The following CXCL13 variants were observed in gnomAD, a reference collection of about 807,000 sequenced individuals.
CXCL13 encodes the protein C-X-C motif chemokine ligand 13, also known as C-X-C motif chemokine 13.
In CXCL13, 7 loss-of-function variants were observed where a neutral mutation model predicts 12.2. The ratio of observed to expected loss-of-function variants is 0.57; its 90% CI spans 0.33 to 1.07. The LOEUF (loss-of-function observed/expected upper bound fraction) is 1.07. Ranked by LOEUF, CXCL13 falls within the 50% of genes least tolerant of loss-of-function variation. The probability of loss-of-function intolerance (pLI) is 0.04; values close to 1 mark genes in which losing one functional copy is unlikely to be tolerated. For missense variants in CXCL13, 113 were observed against 127.4 expected, an observed-to-expected ratio of 0.89 and a Z score of 0.55; for synonymous variants, 47 against 42.4, an observed-to-expected ratio of 1.11 and a Z score of -0.42.
At chr4:77,564,141 C>T (rs748221684) in intron 1 of CXCL13, among the ~76,000 whole-genome samples, 15 of 152,090 alleles carry the variant, frequency 9.9e-5, no homozygotes, top group Non-Finnish European at 1.9e-4. Flanking sequence ...CTTTGAAGTA[C>T]GAATTTTCAT....
chr4:77,555,133 A>G (rs77919647), intron 1 of CXCL13, among the ~76,000 whole-genome samples: 2 of 152,152 alleles, frequency 1.3e-5, no homozygotes, highest in Non-Finnish European at 2.9e-5. Flanking sequence ...AAAAAAACCA[A>G]TGAAACCAAA....
chr4:77,601,816 G>A (rs779592977), upstream of CXCL13, among the ~76,000 whole-genome samples: 9 of 152,228 alleles, frequency 5.9e-5, no homozygotes, highest in Non-Finnish European at 1.2e-4. Context: ...CTGAGATGAT[G>A]TTACTGATAC....
intron 1 of CXCL13, among the ~76,000 whole-genome samples, chr4:77,575,822 T>C (rs758392237): frequency 4.6e-5 from 7 of 151,888 alleles, no homozygotes; most frequent in Non-Finnish European, 1.0e-4. Flanking sequence ...GCCAAAATGA[T>C]GTTCAATTTT....
chr4:77,535,939 A>G (rs1000309389), intron 1 of CXCL13, among the ~76,000 whole-genome samples: 1 of 152,206 alleles, frequency 6.6e-6, no homozygotes, highest in Non-Finnish European at 1.5e-5. Context: ...GGAATTGATC[A>G]TAATAAAATT....
intron 1 of CXCL13, among the ~76,000 whole-genome samples, chr4:77,564,443 G>T (rs1233592528): frequency 1.3e-5 from 2 of 152,208 alleles, no homozygotes; most frequent in Admixed American, 1.3e-4. Flanking sequence ...AAAAGAATGA[G>T]CCACTTGAAC....
At chr4:77,531,166 C>T (rs1724906961) in intron 1 of CXCL13, among the ~76,000 whole-genome samples, 1 of 149,738 alleles carries the variant, frequency 6.7e-6, no homozygotes, top group South Asian at 2.1e-4. Flanking sequence ...GGTACATGTG[C>T]ACAACGTGCT....
intron 1 of CXCL13, among the ~76,000 whole-genome samples, chr4:77,573,794 G>T (rs920599553): frequency 6.6e-6 from 1 of 151,866 alleles, no homozygotes. Context: ...TTTCTGGTTT[G>T]ATACCTGTGG....
intron 1 of CXCL13, among the ~76,000 whole-genome samples, chr4:77,524,618 A>G (rs570405486): frequency 6.6e-6 from 1 of 152,344 alleles, no homozygotes; most frequent in African/African-American, 2.4e-5. Context: ...TTCCAGGTAC[A>G]GTCTGTTGCA....
At chr4:77,559,057 C>G (rs192276396) in intron 1 of CXCL13, among the ~76,000 whole-genome samples, 79 of 152,222 alleles carry the variant, frequency 5.2e-4, no homozygotes, top group African/African-American at 1.8e-3. Flanking sequence ...ACCAGTATAC[C>G]ATCCAACTTC....
chr4:77,538,069 T>TGAGTCCCA (rs1318525117), intron 1 of CXCL13, among the ~76,000 whole-genome samples: 1 of 152,202 alleles, frequency 6.6e-6, no homozygotes, highest in African/African-American at 2.4e-5. Flanking sequence ...ATGGAGAAAC[T>TGAGTCCCA]GAGTCCCAGA....
rs187340349 is a variant in CXCL13, at chr4:77,562,348, A to G, written c.-42-43476A>G. On this transcript the variant is annotated intron_variant, in intron 1 of 4. Coordinates refer to the CXCL13 transcript ENST00000286758. ...TGCGGGCACAAGGCACGGGATTGGC[A>G]GGAAGCTCCACCTGCACCGGGGTGC... 4.5e-3 allele frequency among the ~76,000 whole-genome samples: 679 copies of G among 152,138 alleles called. 19 individuals carry two copies. The highest frequency in any genetic ancestry group is 0.026 in the East Asian group (134 of 5,128).
At chr4:77,604,726 T>A (rs1002590005), upstream of CXCL13, among the ~76,000 whole-genome samples, 1 of 152,096 alleles carries the variant, frequency 6.6e-6, no homozygotes, top group Non-Finnish European at 1.5e-5. Flanking sequence ...TTACCACTCC[T>A]CCACTTCTAC....
chr4:77,552,310 C>T (rs1299975808), intron 1 of CXCL13, among the ~76,000 whole-genome samples: 2 of 152,032 alleles, frequency 1.3e-5, no homozygotes, highest in East Asian at 3.8e-4. Flanking sequence ...CCCCGACTTC[C>T]TAGGGAATGT....
Position 77,520,195 on chromosome 4 carries a change from C to T in CXCL13, c.-43+8407C>T, listed in dbSNP as rs182355019. 1.3e-3 allele frequency among the ~76,000 whole-genome samples: 199 copies of T among 152,180 alleles called. 1 individual carries two copies. The highest frequency in any genetic ancestry group is 3.7e-3 in the African/African-American group (154 of 41,530). On this transcript the variant is annotated intron_variant, in intron 1 of 4. Coordinates refer to the CXCL13 transcript ENST00000286758. The stretch of plus-strand genomic sequence containing the variant: ...TTGGCTTAGGATTGTCTTGGCAATG[C>T]GGGCTCTTTTTTGGTTCCATATGAA...
chr4:77,580,492 A>G (rs1266240195), intron 1 of CXCL13, among the ~76,000 whole-genome samples: 1 of 150,738 alleles, frequency 6.6e-6, no homozygotes, highest in African/African-American at 2.4e-5. Context: ...ACGCACAGCT[A>G]ATTTTTGTAT....
intron 1 of CXCL13, among the ~76,000 whole-genome samples, chr4:77,575,806 G>T (rs750147681): frequency 4.6e-5 from 7 of 151,652 alleles, no homozygotes; most frequent in Non-Finnish European, 1.0e-4. Context: ...TTAGGTACAT[G>T]GGATTGCCAA....
chr4:77,603,135 T>A (rs1289142089), upstream of CXCL13, among the ~76,000 whole-genome samples: 1 of 152,242 alleles, frequency 6.6e-6, no homozygotes, highest in African/African-American at 2.4e-5. Context: ...GTCCCTATAC[T>A]CTTCCCGTTC....
intron 1 of CXCL13, among the ~76,000 whole-genome samples, chr4:77,535,338 C>T (rs1330517800): frequency 6.6e-6 from 1 of 152,086 alleles, no homozygotes; most frequent in African/African-American, 2.4e-5. Flanking sequence ...GTATTCCTTC[C>T]CTTATAGGCG....
At chr4:77,606,310 T>A (rs993525261) in intron 1 of CXCL13, among the ~76,000 whole-genome samples, 5 of 152,192 alleles carry the variant, frequency 3.3e-5, no homozygotes, top group Non-Finnish European at 7.3e-5. Flanking sequence ...TGAACTCTAC[T>A]GGTCTCTTGC....
Sources: allele counts gnomAD v4.1 joint callset (sites outside exome capture counted in the v4.1 genomes callset), GRCh38; gene constraint gnomAD v4.1.1; transcripts MANE v1.5; gene names NCBI Gene and HGNC (gene_info 2026-07-23, HGNC 2026-07-21).